Variants in TNKS2 observed in about 807,000 individuals in gnomAD.
TNKS2 encodes tankyrase 2.
A neutral mutation model predicts 137.6 loss-of-function variants in TNKS2; 72 were observed. The observed-to-expected ratio is 0.52, with a 90% CI of 0.43 to 0.64. The LOEUF (loss-of-function observed/expected upper bound fraction) is 0.64. Ranked by LOEUF, TNKS2 falls within the 30% of genes least tolerant of loss-of-function variation. The pLI is 0.00. For missense variants in TNKS2, 1,049 were observed against 1,410.2 expected (o/e 0.74, Z 4.10); for synonymous variants, 516 against 512.1 (o/e 1.01, Z -0.10).
At chr10:91,811,540 A>G (rs1229265014) in intron 1 of TNKS2, among the ~76,000 whole-genome samples, 1 of 152,058 alleles carries the variant, frequency 6.6e-6, no homozygotes, top group African/African-American at 2.4e-5. Context: ...CTTTGAGAGG[A>G]GGAAGAATCA....
intron 7 of TNKS2, among the ~76,000 whole-genome samples, chr10:91,826,546 T>A (rs1845076011): frequency 6.6e-6 from 1 of 152,188 alleles, no homozygotes; most frequent in Non-Finnish European, 1.5e-5. Flanking sequence ...TTTATGAAAT[T>A]GAAGAACAGA....
chr10:91,806,699 G>T (rs1262640300), intron 1 of TNKS2, among the ~76,000 whole-genome samples: 1 of 152,164 alleles, frequency 6.6e-6, no homozygotes, highest in Non-Finnish European at 1.5e-5. Context: ...GTATAACAAT[G>T]CATACTATGG....
chr10:91,833,152 G>GAT (rs1048142104), intron 11 of TNKS2, among the ~76,000 whole-genome samples: 9 of 152,242 alleles, frequency 5.9e-5, no homozygotes, highest in Admixed American at 2.0e-4. Context: ...CTCCTGTAGA[G>GAT]ATATAGAACA....
chr10:91,833,152 G>A (rs545843556), intron 11 of TNKS2, among the ~76,000 whole-genome samples: 1 of 152,242 alleles, frequency 6.6e-6, no homozygotes, highest in East Asian at 1.9e-4. Flanking sequence ...CTCCTGTAGA[G>A]ATATAGAACA....
Position 91,813,044 on chromosome 10 carries a change from T to A in TNKS2, c.261T>A (p.Arg87=). ...LLQNGANVQA[R]DDGGLIPLHN... is the part of the protein sequence containing the mutation. ...AGAATGGTGCAAATGTCCAAGCACGTGATGATGGGGGCCTTATTCCTCTTC... is the reference window on the plus strand; with the variant it reads ...AGAATGGTGCAAATGTCCAAGCACGAGATGATGGGGGCCTTATTCCTCTTC... Residue 87 remains arginine, a synonymous_variant, in exon 2 of 27, where the codon CGT becomes CGA. Coordinates refer to ENST00000371627, the MANE Select transcript of TNKS2 (RefSeq NM_025235.4). The A allele has an allele frequency of 6.2e-7, 1 of 1,614,154 alleles. No individual in the cohort carries two copies. The highest frequency in any genetic ancestry group is 8.5e-7 in the Non-Finnish European group (1 of 1,180,012).
intron 1 of TNKS2, among the ~76,000 whole-genome samples, chr10:91,809,635 C>G (rs1433749084): frequency 6.7e-6 from 1 of 150,070 alleles, no homozygotes; most frequent in Non-Finnish European, 1.5e-5. Context: ...CACTGCAATC[C>G]GGCCTGGGCT....
chr10:91,850,903 C>T (rs1842521631), intron 20 of TNKS2, among the ~76,000 whole-genome samples: 1 of 152,054 alleles, frequency 6.6e-6, no homozygotes, highest in Non-Finnish European at 1.5e-5. Flanking sequence ...TGCAGAAGTA[C>T]CACTTGGCAT....
chr10:91,806,591 C>G (rs12764886), intron 1 of TNKS2, among the ~76,000 whole-genome samples: 105,824 of 151,484 alleles, frequency 0.7, 38,177 homozygotes, highest in East Asian at 0.91. Flanking sequence ...TTAACAGGTA[C>G]TTTAAATGTG....
intron 24 of TNKS2, among the ~76,000 whole-genome samples, 156 bp downstream of exon 24, chr10:91,857,686 C>G (rs1056382001): frequency 6.6e-5 from 10 of 152,146 alleles, no homozygotes; most frequent in African/African-American, 2.4e-4. Context: ...TTTTCAACTT[C>G]TTTTGAATTT....
intron 7 of TNKS2, among the ~76,000 whole-genome samples, chr10:91,824,026 TCAAA>T (rs529869152): frequency 3.5e-4 from 54 of 152,294 alleles, no homozygotes; most frequent in African/African-American, 1.2e-3. Context: ...GAATGAAACA[TCAAA>T]CAGATTGCAC....
intron 15 of TNKS2, among the ~76,000 whole-genome samples, 170 bp downstream of exon 15, chr10:91,841,618 C>G (rs961437097): frequency 2.6e-5 from 4 of 152,070 alleles, no homozygotes; most frequent in African/African-American, 4.8e-5. Flanking sequence ...TTTTAATCCA[C>G]AAGTATGTTT....
At chr10:91,835,619 T>C (rs1841988643) in intron 12 of TNKS2, among the ~76,000 whole-genome samples, 1 of 145,682 alleles carries the variant, frequency 6.9e-6, no homozygotes, top group African/African-American at 2.5e-5. Context: ...TTTTTAATTT[T>C]TCTTTTATTT....
At chr10:91,802,224 T>C (rs947192052) in intron 1 of TNKS2, among the ~76,000 whole-genome samples, 16 of 151,618 alleles carry the variant, frequency 1.1e-4, no homozygotes, top group African/African-American at 3.4e-4. Flanking sequence ...TAAGAGGGGA[T>C]TTTTTTATTC....
At chr10:91,854,585 A>G (rs971388307) in intron 21 of TNKS2, among the ~76,000 whole-genome samples, 6 of 152,186 alleles carry the variant, frequency 3.9e-5, no homozygotes, top group Non-Finnish European at 7.4e-5. Flanking sequence ...TATCTAAATT[A>G]TCACACTATG....
intron 13 of TNKS2, among the ~76,000 whole-genome samples, chr10:91,838,924 A>G (rs112923636): frequency 0.11 from 16,496 of 152,106 alleles, 987 homozygotes; most frequent in East Asian, 0.19. Context: ...CTGGAGTGCA[A>G]TTGCACGATC....
chr10:91,827,929 A>G (rs935201514), intron 8 of TNKS2, among the ~76,000 whole-genome samples: 2 of 152,006 alleles, frequency 1.3e-5, no homozygotes, highest in Admixed American at 6.6e-5. Context: ...ATTTCTTTAC[A>G]GAGAAAAATT....
chr10:91,815,559 A>AAAAAGC (rs2133605228), intron 2 of TNKS2, among the ~76,000 whole-genome samples: 1 of 152,248 alleles, frequency 6.6e-6, no homozygotes, highest in Admixed American at 6.5e-5. Flanking sequence ...CTCTAAGGGG[A>AAAAAGC]AAAAGCATGC....
At chr10:91,819,166 G>C in intron 3 of TNKS2, 104 bp from the exon 4 acceptor site, 1 of 656,764 alleles carries the variant, frequency 1.5e-6, no homozygotes, top group Non-Finnish European at 2.4e-6. Context: ...TTGGAAATTT[G>C]TTTCCAAATT....
chr10:91,831,676 T>C, intron 11 of TNKS2, among the ~76,000 whole-genome samples: 1 of 152,234 alleles, frequency 6.6e-6, no homozygotes, highest in Admixed American at 6.5e-5. Flanking sequence ...TACTGTTCTT[T>C]AGTTGGCATT....
Sources: gnomAD v4.1 joint callset for allele counts (sites outside exome capture counted in the v4.1 genomes callset) on GRCh38, gnomAD v4.1.1 for gene constraint, MANE v1.5 for transcripts, NCBI Gene and HGNC (gene_info 2026-07-23, HGNC 2026-07-21) for gene names.